Variants in CACNB2 observed in about 807,000 individuals in gnomAD.
The protein encoded by CACNB2 is calcium voltage-gated channel auxiliary subunit beta 2.
Under a neutral mutation model 73.3 loss-of-function variants are expected in CACNB2, and 42 were observed. The ratio of observed to expected loss-of-function variants is 0.57; its 90% CI spans 0.45 to 0.74. The LOEUF (loss-of-function observed/expected upper bound fraction) is 0.74, where lower values mean the gene tolerates loss of function less well. Among genes scored for constraint, CACNB2 ranks in the 30% least tolerant of loss-of-function variants. CACNB2 has a pLI of 0.00. For synonymous variants in CACNB2, 348 were observed against 310.3 expected, an observed-to-expected ratio of 1.12 and a Z score of -1.28; for missense variants, 940 against 853.0, an observed-to-expected ratio of 1.10 and a Z score of -1.27.
At position 18,171,543 on chromosome 10, in the gene CACNB2, A is replaced by AAAAAAAAAAAAAAAAAAG. The variant is rs1564314409; in HGVS notation, c.213+20574_213+20575insAAAAAAAAAAAGAAAAAA. 2.4e-4 allele frequency among the ~76,000 whole-genome samples: 34 copies of AAAAAAAAAAAAAAAAAAG among 138,888 alleles called. 1 individual carries two copies. The highest frequency in any genetic ancestry group is 1.1e-3 in the African/African-American group (34 of 30,890). 91.1% of individuals were successfully genotyped at this position (138,888 alleles called of 152,430 possible). A position where few individuals can be genotyped will look rare whatever the true frequency, so the allele number is the denominator to read the frequency against. ...GCAGAAAAAAAAAAAAAAAAAAAAA[A>AAAAAAAAAAAAAAAAAAG]AAAAAAGGCTATTTGTTCTTCTTCA... On this transcript the variant is annotated intron_variant, in intron 2 of 13. Coordinates refer to ENST00000324631, the MANE Select transcript of CACNB2 (RefSeq NM_201596.3).
At chr10:18,498,299 G>A in intron 3 of CACNB2, 56 bp from the exon 4 acceptor site, 1 of 1,605,334 alleles carries the variant, frequency 6.2e-7, no homozygotes, top group Admixed American at 1.7e-5. Context: ...GAGGGAAAAA[G>A]GAGGGACAGT....
chr10:18,473,955 G>C (rs569989130), intron 3 of CACNB2, among the ~76,000 whole-genome samples: 7 of 152,248 alleles, frequency 4.6e-5, no homozygotes, highest in South Asian at 2.1e-4. Flanking sequence ...CTGTGACCTT[G>C]AGTGAGACAC....
intron 2 of CACNB2, among the ~76,000 whole-genome samples, chr10:18,400,407 A>T (rs555207238): frequency 6.6e-6 from 1 of 152,192 alleles, no homozygotes; most frequent in Non-Finnish European, 1.5e-5. Flanking sequence ...CACGAGCCCG[A>T]TTACTATAGA....
intron 2 of CACNB2, among the ~76,000 whole-genome samples, chr10:18,174,941 A>C (rs1013886445): frequency 6.6e-6 from 1 of 152,200 alleles, no homozygotes; most frequent in African/African-American, 2.4e-5. Flanking sequence ...AAATTTAGAA[A>C]CACAAAATTG....
At chr10:18,171,550 G>GAAAAAAA (rs2033242248) in intron 2 of CACNB2, among the ~76,000 whole-genome samples, 1 of 38,614 alleles carries the variant, frequency 2.6e-5, no homozygotes, top group African/African-American at 1.1e-4. Context: ...AAAAAAAAAA[G>GAAAAAAA]GCTATTTGTT....
chr10:18,518,613 G>T (rs2051513268), intron 8 of CACNB2, among the ~76,000 whole-genome samples, 197 bp downstream of exon 8: 1 of 152,194 alleles, frequency 6.6e-6, no homozygotes, highest in Non-Finnish European at 1.5e-5. Context: ...TTGTTTACCT[G>T]GCTGTTGCTT....
rs16916911 is a variant in CACNB2 at position 18,164,781 on chromosome 10, A to G, written c.213+13806A>G. Among the ~76,000 whole-genome samples, 1,078 of 152,200 alleles carry G rather than the reference A, an allele frequency of 7.1e-3. 7 individuals carry two copies. Among genetic ancestry groups the G allele is most frequent in the African/African-American group, 0.023 (969 of 41,514 alleles). On this transcript the variant is annotated intron_variant, in intron 2 of 13. Coordinates refer to ENST00000324631, the MANE Select transcript of CACNB2 (RefSeq NM_201596.3). ...GGATTTAGGACTTGGAGGTGTCTAC[A>G]TTTTATTATGAAACTATTTCTCTGA... is the stretch of plus-strand genomic sequence containing the variant.
At chr10:18,325,002 G>A (rs1250082499) in intron 2 of CACNB2, among the ~76,000 whole-genome samples, 2 of 152,204 alleles carry the variant, frequency 1.3e-5, no homozygotes, top group Non-Finnish European at 2.9e-5. Flanking sequence ...GTGCTGAGAA[G>A]GGCTCCACAC....
intron 4 of CACNB2, among the ~76,000 whole-genome samples, chr10:18,499,483 C>T (rs753161577): frequency 2.6e-5 from 4 of 151,908 alleles, no homozygotes; most frequent in Non-Finnish European, 5.9e-5. Context: ...GGTGTAGTGG[C>T]ACATGCCTGT....
intron 2 of CACNB2, among the ~76,000 whole-genome samples, chr10:18,276,276 C>T (rs908753830): frequency 1.3e-5 from 2 of 152,140 alleles, no homozygotes; most frequent in African/African-American, 4.8e-5. Context: ...TTATTGGAAA[C>T]GTCAATCGTG....
intron 9 of CACNB2, among the ~76,000 whole-genome samples, chr10:18,520,715 G>A (rs1044716794): frequency 3.9e-5 from 6 of 152,108 alleles, no homozygotes; most frequent in Admixed American, 6.5e-5. Context: ...TCACCCTGCC[G>A]TACTTACTCC....
At chr10:18,479,798 G>A (rs914828558) in intron 3 of CACNB2, among the ~76,000 whole-genome samples, 2 of 152,138 alleles carry the variant, frequency 1.3e-5, no homozygotes, top group African/African-American at 4.8e-5. Flanking sequence ...GAGGCCTCCT[G>A]TTAAGCCTGA....
At chr10:18,413,634 A>G (rs1195551974) in intron 3 of CACNB2, among the ~76,000 whole-genome samples, 1 of 152,164 alleles carries the variant, frequency 6.6e-6, no homozygotes, top group African/African-American at 2.4e-5. Context: ...ATCAGAAGGG[A>G]AATATTGCAG....
At chr10:18,153,473 A>T (rs1422133070) in intron 2 of CACNB2, among the ~76,000 whole-genome samples, 1 of 152,086 alleles carries the variant, frequency 6.6e-6, no homozygotes, top group East Asian at 1.9e-4. Context: ...AAAAGCTGCC[A>T]TAAGATAGCC....
intron 3 of CACNB2, among the ~76,000 whole-genome samples, chr10:18,448,044 C>A (rs149904819): frequency 6.6e-6 from 1 of 152,050 alleles, no homozygotes; most frequent in Non-Finnish European, 1.5e-5. Context: ...CAGGCTGGAG[C>A]GTAGTGGTAC....
At chr10:18,223,660 CT>C (rs2035878665) in intron 2 of CACNB2, among the ~76,000 whole-genome samples, 1 of 151,972 alleles carries the variant, frequency 6.6e-6, no homozygotes, top group South Asian at 2.1e-4. Flanking sequence ...TATATGGTAA[CT>C]AACAAAACAT....
At chr10:18,165,709 C>G (rs113465838) in intron 2 of CACNB2, among the ~76,000 whole-genome samples, 1 of 152,174 alleles carries the variant, frequency 6.6e-6, no homozygotes, top group African/African-American at 2.4e-5. Flanking sequence ...TTTTGAAACA[C>G]CTTATTTACA....
intron 2 of CACNB2, among the ~76,000 whole-genome samples, chr10:18,313,678 T>C (rs930192986): frequency 6.6e-6 from 1 of 152,152 alleles, no homozygotes; most frequent in Admixed American, 6.5e-5. Flanking sequence ...AATCAATCTA[T>C]TAAGGGGAAA....
chr10:18,380,446 G>C (rs184690483), intron 2 of CACNB2, among the ~76,000 whole-genome samples: 2 of 118,840 alleles, frequency 1.7e-5, no homozygotes, highest in East Asian at 7.2e-4. Context: ...TGAAACATGT[G>C]TTTTTCTTTT....
Sources: gnomAD v4.1 joint callset for allele counts (sites outside exome capture counted in the v4.1 genomes callset) on GRCh38, gnomAD v4.1.1 for gene constraint, MANE v1.5 for transcripts, NCBI Gene and HGNC (gene_info 2026-07-23, HGNC 2026-07-21) for gene names.